Variants in SORCS2 observed in about 807,000 individuals in gnomAD.
The protein encoded by SORCS2 is VPS10 domain-containing receptor SorCS2.
SORCS2 carries 100 observed loss-of-function variants against 141.6 expected under a neutral mutation model. That is an observed-to-expected ratio of 0.71 (90% CI 0.60 to 0.83). The LOEUF is 0.83. Among genes scored for constraint, SORCS2 ranks in the 40% least tolerant of loss-of-function variants. The probability of loss-of-function intolerance (pLI) is 0.00; values close to 1 mark genes in which losing one functional copy is unlikely to be tolerated. For missense variants in SORCS2, 1,646 were observed against 1,560.2 expected (o/e 1.05, Z -0.93); for synonymous variants, 789 against 676.9 (o/e 1.17, Z -2.57).
intron 1 of SORCS2, among the ~76,000 whole-genome samples, chr4:7,281,160 T>G (rs1715848196): frequency 6.6e-6 from 1 of 152,172 alleles, no homozygotes; most frequent in African/African-American, 2.4e-5. Flanking sequence ...GTGTTATTCA[T>G]GCTGCACAAA....
chr4:7,248,872 G>A (rs938158308), intron 1 of SORCS2, among the ~76,000 whole-genome samples: 1 of 152,210 alleles, frequency 6.6e-6, no homozygotes, highest in African/African-American at 2.4e-5. Flanking sequence ...CTCAGGGGGT[G>A]GGAACCCTGA....
chr4:7,208,718 T>G (rs1172243944), intron 1 of SORCS2, among the ~76,000 whole-genome samples: 1 of 152,188 alleles, frequency 6.6e-6, no homozygotes, highest in Non-Finnish European at 1.5e-5. Context: ...TTCTAGGGGA[T>G]GCACTGCCTT....
chr4:7,256,177 G>A (rs1287765301), intron 1 of SORCS2, among the ~76,000 whole-genome samples: 1 of 152,168 alleles, frequency 6.6e-6, no homozygotes, highest in Non-Finnish European at 1.5e-5. Context: ...AACAGCCCTG[G>A]GGCAGGGAGA....
chr4:7,454,201 T>A (rs1193937909), intron 2 of SORCS2, among the ~76,000 whole-genome samples: 1 of 137,028 alleles, frequency 7.3e-6, no homozygotes, highest in Non-Finnish European at 1.5e-5. Context: ...TCAGGTGCTG[T>A]GTGTTGGGGT....
At chr4:7,652,297 G>T (rs1305550725) in intron 4 of SORCS2, among the ~76,000 whole-genome samples, 1 of 152,188 alleles carries the variant, frequency 6.6e-6, no homozygotes, top group Non-Finnish European at 1.5e-5. Context: ...CCTTGCCCGT[G>T]GCCCTGGCAA....
intron 4 of SORCS2, among the ~76,000 whole-genome samples, chr4:7,652,246 C>T (rs1721490554): frequency 6.6e-6 from 1 of 152,158 alleles, no homozygotes; most frequent in African/African-American, 2.4e-5. Context: ...AGGGGGAGGC[C>T]CTTTCCCACG....
At chr4:7,670,340 A>T (rs1722724208) in intron 8 of SORCS2, among the ~76,000 whole-genome samples, 1 of 152,168 alleles carries the variant, frequency 6.6e-6, no homozygotes, top group Admixed American at 6.5e-5. Context: ...CATTTTCCCT[A>T]ACAGAGGTAA....
rs371980040 is a variant in SORCS2 at position 7,462,868 on chromosome 4, T to C, written c.548+66513T>C. Among the ~76,000 whole-genome samples, 8 of 150,552 alleles carry C rather than the reference T, an allele frequency of 5.3e-5. No homozygotes were observed. In the East Asian group the frequency reaches 1.6e-3, roughly 29 times the overall value. ...AGGGAGCGCTCACAACATGCTATTATCATTTCCCAGTGAGTTCCAAAAAAC... is the reference window on the plus strand; with the variant it reads ...AGGGAGCGCTCACAACATGCTATTACCATTTCCCAGTGAGTTCCAAAAAAC... On this transcript the variant is annotated intron_variant, in intron 2 of 26. Transcript: ENST00000507866.
At position 7,664,314 on chromosome 4, in the gene SORCS2, TG is replaced by T. The variant is rs763619097; in HGVS notation, c.953-37del. Reference sequence around the variant, plus strand: ...GTCTCGGGCCGTCTCTGGCTCCGGCTGGAGTCTGACCGCCTGGGTCGGCGCC... The same window carrying T: ...GTCTCGGGCCGTCTCTGGCTCCGGCTGAGTCTGACCGCCTGGGTCGGCGCC... On this transcript the variant is annotated intron_variant, in intron 6 of 26. Coordinates refer to ENST00000507866, the MANE Select transcript of SORCS2 (RefSeq NM_020777.3). This position sits in a 1 kb window ranked among gnomAD's most constrained non-coding sequence, Gnocchi z 4.7. 13 of 1,564,502 alleles carry T rather than the reference TG, an allele frequency of 8.3e-6. No individual in the cohort carries two copies. In the East Asian group the frequency reaches 3.0e-4, roughly 36 times the overall value.
At chr4:7,730,169 G>C (rs1363423671) in intron 23 of SORCS2, among the ~76,000 whole-genome samples, 1 of 152,136 alleles carries the variant, frequency 6.6e-6, no homozygotes, top group Non-Finnish European at 1.5e-5. Flanking sequence ...CTCATGGAGG[G>C]GATAAAAGAC....
At chr4:7,690,313 T>G in intron 11 of SORCS2, among the ~76,000 whole-genome samples, 1 of 55,728 alleles carries the variant, frequency 1.8e-5, no homozygotes. Context: ...GGTGAATGGG[T>G]GGTGGATAGG....
intron 2 of SORCS2, among the ~76,000 whole-genome samples, chr4:7,403,961 G>GTGTATATATATATATATA (rs1260939310): frequency 3.3e-4 from 10 of 29,892 alleles, no homozygotes; most frequent in Non-Finnish European, 6.1e-4. Flanking sequence ...CTCCATGTGT[G>GTGTATATATATATATATA]TATATATATA....
chr4:7,433,036 C>T (rs562069194), intron 2 of SORCS2: 9 of 294,576 alleles, frequency 3.1e-5, no homozygotes, highest in South Asian at 1.6e-4. Flanking sequence ...CCGGCAACAT[C>T]TCAGCCTTGG....
chr4:7,483,990 G>A (rs915626320), intron 2 of SORCS2, among the ~76,000 whole-genome samples: 1 of 152,156 alleles, frequency 6.6e-6, no homozygotes, highest in Non-Finnish European at 1.5e-5. Flanking sequence ...TCAAATGCAC[G>A]TCTTCAAAGC....
intron 1 of SORCS2, among the ~76,000 whole-genome samples, chr4:7,341,159 G>T (rs775646956): frequency 4.6e-5 from 7 of 152,242 alleles, no homozygotes; most frequent in Non-Finnish European, 8.8e-5. Flanking sequence ...AGGTCTGCGT[G>T]CAGGAAATGT....
At chr4:7,705,921 G>A (rs1725400784) in intron 14 of SORCS2, among the ~76,000 whole-genome samples, 1 of 152,288 alleles carries the variant, frequency 6.6e-6, no homozygotes, top group Non-Finnish European at 1.5e-5. Context: ...ACAGCTCCAG[G>A]CTGTGGGGAG....
intron 8 of SORCS2, 44 bp from the exon 9 acceptor site, chr4:7,676,006 C>A: frequency 6.5e-7 from 1 of 1,547,822 alleles, no homozygotes; most frequent in South Asian, 1.2e-5. Flanking sequence ...CTCGTGCAGC[C>A]CCCAGCCTGG....
intron 26 of SORCS2, among the ~76,000 whole-genome samples, chr4:7,739,876 C>CA (rs1712512241): frequency 6.6e-6 from 1 of 152,208 alleles, no homozygotes; most frequent in Admixed American, 6.5e-5. Context: ...GGCGGAGCCT[C>CA]AGCCCCTCTC....
intron 1 of SORCS2, among the ~76,000 whole-genome samples, chr4:7,322,596 C>A (rs1190632556): frequency 6.6e-6 from 1 of 152,198 alleles, no homozygotes; most frequent in Non-Finnish European, 1.5e-5. Flanking sequence ...GTCGGAAATG[C>A]AGGAGGAGGG....
Sources: allele counts gnomAD v4.1 joint callset (sites outside exome capture counted in the v4.1 genomes callset), GRCh38; gene constraint gnomAD v4.1.1; non-coding constraint Gnocchi (gnomAD v3.1); transcripts MANE v1.5; gene names NCBI Gene and HGNC (gene_info 2026-07-23, HGNC 2026-07-21).